Variants in FGF13 observed in about 807,000 individuals in gnomAD.
FGF13 encodes fibroblast growth factor homologous factor 2.
FGF13 carries 2 observed loss-of-function variants against 19.5 expected under a neutral mutation model. The observed-to-expected ratio is 0.10, with a 90% CI of 0.04 to 0.32. FGF13 has a LOEUF of 0.32. Among genes scored for constraint, FGF13 ranks in the 10% least tolerant of loss-of-function variants. The pLI, the probability that FGF13 is intolerant of heterozygous loss-of-function variation, is 1.00. For synonymous variants in FGF13, 72 were observed against 76.9 expected (o/e 0.94, Z 0.33); for missense variants, 113 against 192.7 (o/e 0.59, Z 2.45).
At chrX:139,010,686 G>C (rs1325086612) in intron 1 of FGF13, among the ~76,000 whole-genome samples, 1 of 111,293 alleles carries the variant, frequency 9.0e-6, no homozygotes, top group East Asian at 2.8e-4. Context: ...AGCATTAAAT[G>C]CCTTCACCAA....
At chrX:139,121,872 G>C (rs1017063066) in intron 1 of FGF13, among the ~76,000 whole-genome samples, 1 of 111,192 alleles carries the variant, frequency 9.0e-6, no homozygotes, top group Non-Finnish European at 1.9e-5. Context: ...GAGAAAATGT[G>C]AGCAAGAGCA....
chrX:139,095,284 G>A (rs4598406), intron 1 of FGF13, among the ~76,000 whole-genome samples: 1,913 of 112,158 alleles, frequency 0.017, 47 homozygotes, highest in African/African-American at 0.058. Flanking sequence ...GTAAGATGCT[G>A]TAGGGACAAG....
At chrX:139,132,234 T>A (rs1227080220) in intron 1 of FGF13, among the ~76,000 whole-genome samples, 5 of 112,098 alleles carry the variant, frequency 4.5e-5, no homozygotes, top group Non-Finnish European at 9.4e-5. Flanking sequence ...GGTGCAAGCT[T>A]AATTCATTAT....
chrX:139,003,879 T>C (rs2092086954), intron 1 of FGF13, among the ~76,000 whole-genome samples: 1 of 111,878 alleles, frequency 8.9e-6, no homozygotes, highest in Admixed American at 9.4e-5. Flanking sequence ...AAACACAGGG[T>C]GCTGATTGGT....
intron 4 of FGF13, 48 bp downstream of exon 4, chrX:138,635,409 A>G: frequency 9.1e-7 from 1 of 1,100,697 alleles, no homozygotes; most frequent in Non-Finnish European, 1.2e-6. Context: ...ATAAATAAAT[A>G]AGTATATTTA....
rs761673065 is a variant in FGF13 at position 138,978,266 on chromosome X, G to GTTTTTTTTTTTTTTGTTTTTT, written c.-112-113617_-112-113616insAAAAAACAAAAAAAAAAAAAA. Among the ~76,000 whole-genome samples the GTTTTTTTTTTTTTTGTTTTTT allele has an allele frequency of 1.1e-4, 9 of 82,914 alleles. 1 individual carries two copies. The highest frequency in any genetic ancestry group is 3.9e-4 in the African/African-American group (8 of 20,386). 72.0% of individuals were successfully genotyped at this position (82,914 alleles called of 115,157 possible). ...TAATCTCTATGGGCTAGCTGCCCTG[G>GTTTTTTTTTTTTTTGTTTTTT]TTTTTTTTTTTTTTGAGATGGAGTC... is the stretch of plus-strand genomic sequence containing the variant. On this transcript the variant is annotated intron_variant, in intron 1 of 2. Transcript: ENST00000421460.
chrX:138,858,033 G>C (rs965018682), intron 2 of FGF13, among the ~76,000 whole-genome samples: 1 of 111,932 alleles, frequency 8.9e-6, no homozygotes, highest in South Asian at 3.7e-4. Flanking sequence ...AGTATTCATA[G>C]GTTAAACTGG....
At chrX:139,072,310 G>A (rs867252802) in intron 1 of FGF13, among the ~76,000 whole-genome samples, 1 of 104,748 alleles carries the variant, frequency 9.5e-6, no homozygotes, top group Non-Finnish European at 1.9e-5. Context: ...CACACACACG[G>A]AAGAAAGTCC....
intron 1 of FGF13, among the ~76,000 whole-genome samples, chrX:138,974,932 T>C (rs765065591): frequency 8.9e-6 from 1 of 112,388 alleles, no homozygotes; most frequent in Non-Finnish European, 1.9e-5. Context: ...TTTTAAACCC[T>C]AAATCAGAAC....
chrX:139,098,500 T>C (rs984692701), intron 1 of FGF13, among the ~76,000 whole-genome samples: 1 of 111,555 alleles, frequency 9.0e-6, no homozygotes, highest in Non-Finnish European at 1.9e-5. Flanking sequence ...GATTGGTACA[T>C]ATATATCATG....
At chrX:139,095,359 T>C (rs1253177766) in intron 1 of FGF13, among the ~76,000 whole-genome samples, 1 of 112,001 alleles carries the variant, frequency 8.9e-6, no homozygotes, top group Non-Finnish European at 1.9e-5. Context: ...CAGAGATCAA[T>C]CAGCAGAGAT....
chrX:138,998,904 A>C, intron 1 of FGF13, among the ~76,000 whole-genome samples: 1 of 112,261 alleles, frequency 8.9e-6, no homozygotes, highest in Admixed American at 9.4e-5. Flanking sequence ...ACCACATTGC[A>C]CTTATTCCAA....
At chrX:138,667,141 G>A (rs1053766183) in intron 3 of FGF13, among the ~76,000 whole-genome samples, 1 of 106,390 alleles carries the variant, frequency 9.4e-6, no homozygotes, top group Non-Finnish European at 1.9e-5. Flanking sequence ...TGTATATTAT[G>A]TATTTATACA....
chrX:139,086,083 G>C (rs1215083308), intron 1 of FGF13, among the ~76,000 whole-genome samples: 1 of 111,960 alleles, frequency 8.9e-6, no homozygotes, highest in Non-Finnish European at 1.9e-5. Flanking sequence ...CTTCTTCTTT[G>C]AACTTAGTTG....
intron 3 of FGF13, among the ~76,000 whole-genome samples, chrX:138,649,719 A>G (rs1361012046): frequency 2.7e-5 from 3 of 112,333 alleles, no homozygotes; most frequent in African/African-American, 9.7e-5. Context: ...ACATTTTCAG[A>G]TGAGCCTAGC....
chrX:139,004,547 G>A (rs1028895897), intron 1 of FGF13, among the ~76,000 whole-genome samples: 1 of 112,715 alleles, frequency 8.9e-6, no homozygotes, highest in Non-Finnish European at 1.9e-5. Flanking sequence ...GGTGCCGAGA[G>A]CAAGCGAGGG....
intron 1 of FGF13, among the ~76,000 whole-genome samples, chrX:138,950,701 G>A (rs956199032): frequency 8.9e-6 from 1 of 111,827 alleles, no homozygotes; most frequent in Non-Finnish European, 1.9e-5. Context: ...ATGCCAGGGA[G>A]TTTTATAATC....
At chrX:138,813,936 G>T (rs1270227628) in intron 3 of FGF13, among the ~76,000 whole-genome samples, 2 of 111,149 alleles carry the variant, frequency 1.8e-5, no homozygotes, top group Admixed American at 9.6e-5. Flanking sequence ...AATATAATTA[G>T]AATGGCAGTG....
At chrX:138,984,199 G>A (rs1041914464) in intron 1 of FGF13, among the ~76,000 whole-genome samples, 15 of 110,758 alleles carry the variant, frequency 1.4e-4, no homozygotes, top group Non-Finnish European at 2.8e-4. Flanking sequence ...CTTGAGCCCA[G>A]GAGTTTGAGA....
Sources: allele counts gnomAD v4.1 joint callset (sites outside exome capture counted in the v4.1 genomes callset), GRCh38; gene constraint gnomAD v4.1.1; transcripts MANE v1.5; gene names NCBI Gene and HGNC (gene_info 2026-07-23, HGNC 2026-07-21).